NCKAP5: variants seen among roughly 807,000 people sequenced by gnomAD.
The protein encoded by NCKAP5 is nck-associated protein 5.
Under a neutral mutation model 167.0 loss-of-function variants are expected in NCKAP5, and 92 were observed. The observed-to-expected ratio is 0.55, with a 90% CI of 0.47 to 0.66. The LOEUF is 0.66. Among genes scored for constraint, NCKAP5 ranks in the 30% least tolerant of loss-of-function variants. The probability of loss-of-function intolerance (pLI) is 0.00; values close to 1 mark genes in which losing one functional copy is unlikely to be tolerated. For synonymous variants in NCKAP5, 891 were observed against 877.4 expected (o/e 1.02, Z -0.27); for missense variants, 2,378 against 2,315.0 (o/e 1.03, Z -0.56).
At chr2:133,160,649 C>T (rs2083759318) in intron 5 of NCKAP5, among the ~76,000 whole-genome samples, 1 of 152,000 alleles carries the variant, frequency 6.6e-6, no homozygotes, top group Non-Finnish European at 1.5e-5. Context: ...TGACCAGCAT[C>T]GAAAGCTCTT....
intron 3 of NCKAP5, among the ~76,000 whole-genome samples, chr2:133,338,820 C>A (rs1422200761): frequency 6.6e-6 from 1 of 151,894 alleles, no homozygotes; most frequent in Non-Finnish European, 1.5e-5. Context: ...CCAGCCTGGG[C>A]AACATGGTGA....
intron 2 of NCKAP5, among the ~76,000 whole-genome samples, chr2:133,523,537 T>C (rs1684640849): frequency 6.6e-6 from 1 of 152,184 alleles, no homozygotes. Flanking sequence ...TAAATTTGAG[T>C]AGATTCCTAA....
At chr2:133,024,884 C>A (rs1414190906) in intron 6 of NCKAP5, among the ~76,000 whole-genome samples, 1 of 152,216 alleles carries the variant, frequency 6.6e-6, no homozygotes, top group African/African-American at 2.4e-5. Context: ...TAGAGCCACA[C>A]ACCATGTTGC....
rs150062437 is a variant in NCKAP5, at chr2:133,128,156, A to T, written c.341+1822T>A. On this transcript the variant is annotated intron_variant, in intron 6 of 19. Coordinates refer to ENST00000409261, the MANE Select transcript of NCKAP5 (RefSeq NM_207363.3). ...GTCATTATAAAAACTTCATAATGACAAAGCTATATTATTTATCACCGGTCA... is the reference window on the plus strand; with the variant it reads ...GTCATTATAAAAACTTCATAATGACTAAGCTATATTATTTATCACCGGTCA... 7.0e-3 allele frequency among the ~76,000 whole-genome samples: 1,068 copies of T among 152,338 alleles called. 7 individuals carry two copies. The highest frequency in any genetic ancestry group is 0.01 in the Non-Finnish European group (712 of 68,042).
At chr2:132,854,750 A>G (rs371522016) in intron 11 of NCKAP5, among the ~76,000 whole-genome samples, 17 of 152,322 alleles carry the variant, frequency 1.1e-4, no homozygotes, top group African/African-American at 4.1e-4. Context: ...GCATTTTGCC[A>G]TGGACTCCTC....
intron 11 of NCKAP5, among the ~76,000 whole-genome samples, chr2:132,802,018 T>C (rs984154070): frequency 5.3e-5 from 8 of 152,196 alleles, no homozygotes; most frequent in Non-Finnish European, 8.8e-5. Flanking sequence ...CTTCAGGTTA[T>C]CCACCTGCCG....
At chr2:132,824,751 T>C (rs1327536474) in intron 11 of NCKAP5, among the ~76,000 whole-genome samples, 1 of 152,206 alleles carries the variant, frequency 6.6e-6, no homozygotes, top group African/African-American at 2.4e-5. Flanking sequence ...TAAATACAGA[T>C]GTGAAACCCC....
chr2:133,350,091 AATGCAAACCTGGCTGGGAGTGGTGGTTC>A (rs1375179111), intron 3 of NCKAP5, among the ~76,000 whole-genome samples: 6 of 152,102 alleles, frequency 3.9e-5, no homozygotes, highest in Non-Finnish European at 8.8e-5. Context: ...ATCCTATAAA[AATGCAAACCTGGCTGGGAGTGGTGGTTC>A]ATGCAAACCT....
At chr2:133,632,446 T>C in the NCKAP5 span, among the ~76,000 whole-genome samples, 14 of 152,284 alleles carry the variant, frequency 9.2e-5, no homozygotes, top group African/African-American at 3.1e-4. Context: ...TAGAAGAAAA[T>C]GCACCAACAT....
chr2:132,773,442 C>T lies in NCKAP5; in HGVS notation c.5128+374G>A, dbSNP rs555653144. 2.3e-4 allele frequency among the ~76,000 whole-genome samples: 35 copies of T among 152,320 alleles called. 1 individual carries two copies. In the South Asian group the frequency reaches 7.2e-3, roughly 32 times the overall value. On this transcript the variant is annotated intron_variant, in intron 16 of 19. Coordinates refer to ENST00000409261, the MANE Select transcript of NCKAP5 (RefSeq NM_207363.3). ...GTATTTTCTTATTCTATATTTGCTACTACGTGTAAAACATTCAATTTATAA... is the reference window on the plus strand; with the variant it reads ...GTATTTTCTTATTCTATATTTGCTATTACGTGTAAAACATTCAATTTATAA...
At chr2:133,625,493 T>C in the NCKAP5 span, among the ~76,000 whole-genome samples, 1 of 152,084 alleles carries the variant, frequency 6.6e-6, no homozygotes, top group African/African-American at 2.4e-5. Flanking sequence ...CTGGGCCATC[T>C]TGTCATACAG....
At chr2:132,726,008 C>T (rs1479740616) in intron 18 of NCKAP5, among the ~76,000 whole-genome samples, 4 of 152,130 alleles carry the variant, frequency 2.6e-5, no homozygotes, top group Admixed American at 1.3e-4. Context: ...AAGCTGTCGA[C>T]GGCACTCTGC....
At position 132,784,600 on chromosome 2, in the gene NCKAP5, C is replaced by T. The variant is rs1683383719; in HGVS notation, c.2211G>A (p.Glu737=). 16 of 1,601,582 alleles carry T rather than the reference C, an allele frequency of 1.0e-5. No homozygotes were observed. Among genetic ancestry groups the T allele is most frequent in the Non-Finnish European group, 1.4e-5 (16 of 1,173,688 alleles). The change falls in exon 14 of 20, where the codon GAG becomes GAA. Residue 737 remains glutamate (E), a synonymous_variant. Coordinates refer to ENST00000409261, the MANE Select transcript of NCKAP5 (RefSeq NM_207363.3). The part of the protein sequence containing the change: ...RDYTFFKRSE[E]DTEKNIPKDN... Reference sequence around the variant, plus strand: ...CTTTTGGAATGTTTTTCTCAGTGTCCTCTTCAGACCTTTTAAAGAAAGTAT... The same window carrying T: ...CTTTTGGAATGTTTTTCTCAGTGTCTTCTTCAGACCTTTTAAAGAAAGTAT...
At chr2:133,222,847 T>G (rs527610633) in intron 4 of NCKAP5, among the ~76,000 whole-genome samples, 1 of 152,346 alleles carries the variant, frequency 6.6e-6, no homozygotes, top group South Asian at 2.1e-4. Flanking sequence ...TATTTAGCTA[T>G]AATCCTATTT....
At chr2:133,618,048 T>C in the NCKAP5 span, among the ~76,000 whole-genome samples, 1 of 151,404 alleles carries the variant, frequency 6.6e-6, no homozygotes, top group Admixed American at 6.6e-5. Context: ...AAACAAGCAA[T>C]GGGGAAAGGA....
chr2:133,401,423 G>A (rs550417443), intron 3 of NCKAP5, among the ~76,000 whole-genome samples: 1 of 152,324 alleles, frequency 6.6e-6, no homozygotes, highest in African/African-American at 2.4e-5. Context: ...CTCTCAGTTT[G>A]TAGCCTGTCA....
chr2:133,056,785 A>G (rs1291330976), intron 6 of NCKAP5, among the ~76,000 whole-genome samples: 3 of 152,176 alleles, frequency 2.0e-5, no homozygotes, highest in Non-Finnish European at 4.4e-5. Context: ...CATTCAGGCA[A>G]TTTTGTTTGA....
Position 133,125,271 on chromosome 2 carries a change from C to G in NCKAP5, c.341+4707G>C, listed in dbSNP as rs534317708. On this transcript the variant is annotated intron_variant, in intron 6 of 19. Transcript: ENST00000409261. ...TTATTTCAACTCAACGTACCCCACC[C>G]TAACTTGGAGACAATATTCCTCAAA... 1.1e-4 allele frequency among the ~76,000 whole-genome samples: 16 copies of G among 151,560 alleles called. No homozygotes were observed. The South Asian group carries it at 3.1e-3, about 30-fold the overall frequency.
intron 6 of NCKAP5, among the ~76,000 whole-genome samples, chr2:133,018,266 C>T (rs898982379): frequency 2.0e-5 from 3 of 152,226 alleles, no homozygotes; most frequent in East Asian, 3.9e-4. Context: ...TAGGAAGCCA[C>T]GTAGAAGAGG....
Sources: gnomAD v4.1 joint callset for allele counts (sites outside exome capture counted in the v4.1 genomes callset) on GRCh38, gnomAD v4.1.1 for gene constraint, MANE v1.5 for transcripts, NCBI Gene and HGNC (gene_info 2026-07-23, HGNC 2026-07-21) for gene names.